The following LAMA2 variants were observed in gnomAD, a reference collection of about 807,000 sequenced individuals.
LAMA2 encodes the protein laminin subunit alpha 2, also known as laminin subunit alpha-2.
A neutral mutation model predicts 364.8 loss-of-function variants in LAMA2; 269 were observed. The ratio of observed to expected loss-of-function variants is 0.74; its 90% CI spans 0.67 to 0.82. The LOEUF is 0.82. Ranked by LOEUF, LAMA2 falls within the 40% of genes least tolerant of loss-of-function variation. The pLI is 0.00. For synonymous variants in LAMA2, 1,379 were observed against 1,370.6 expected (o/e 1.01, Z -0.14); for missense variants, 3,807 against 3,873.2 (o/e 0.98, Z 0.45).
intron 18 of LAMA2, among the ~76,000 whole-genome samples, chr6:129,284,748 C>T (rs961023492): frequency 6.6e-6 from 1 of 152,090 alleles, no homozygotes; most frequent in Non-Finnish European, 1.5e-5. Flanking sequence ...TTTTCTACCT[C>T]TCCCTCTCTC....
chr6:129,241,542 C>T (rs574875586), intron 12 of LAMA2, among the ~76,000 whole-genome samples: 5 of 152,152 alleles, frequency 3.3e-5, no homozygotes, highest in African/African-American at 9.6e-5. Context: ...AGGTGTGATT[C>T]GTCTCATTTT....
At chr6:129,503,490 A>G (rs970791955) in intron 60 of LAMA2, among the ~76,000 whole-genome samples, 6 of 152,208 alleles carry the variant, frequency 3.9e-5, no homozygotes, top group Non-Finnish European at 8.8e-5. Context: ...ATGCCTCATC[A>G]TGGTTCCATC....
chr6:129,200,274 G>GTGTA (rs1554241489), intron 12 of LAMA2, among the ~76,000 whole-genome samples: 1 of 86,192 alleles, frequency 1.2e-5, no homozygotes, highest in African/African-American at 5.4e-5. Flanking sequence ...ATATACATGT[G>GTGTA]TATATATATA....
intron 18 of LAMA2, among the ~76,000 whole-genome samples, chr6:129,284,068 T>C (rs1478634445): frequency 6.6e-6 from 1 of 152,182 alleles, no homozygotes; most frequent in African/African-American, 2.4e-5. Context: ...GTCTGTTTAC[T>C]TTTTCTGCAT....
At chr6:128,907,079 A>C (rs1777531824) in intron 1 of LAMA2, among the ~76,000 whole-genome samples, 1 of 146,920 alleles carries the variant, frequency 6.8e-6, no homozygotes, top group African/African-American at 2.5e-5. Context: ...TGATGCCTCC[A>C]GCTTTGTTCT....
At chr6:129,468,556 C>T (rs186041868) in intron 51 of LAMA2, among the ~76,000 whole-genome samples, 27 of 151,884 alleles carry the variant, frequency 1.8e-4, no homozygotes, top group Admixed American at 7.2e-4. Context: ...ACAAATAATT[C>T]ACAAAAGAAA....
chr6:129,151,371 T>TA (rs1562279449), intron 7 of LAMA2, among the ~76,000 whole-genome samples: 1 of 152,200 alleles, frequency 6.6e-6, no homozygotes, highest in African/African-American at 2.4e-5. Flanking sequence ...TTTTTTGAAA[T>TA]ACACTATTAC....
At chr6:129,365,983 G>A (rs954690778) in intron 32 of LAMA2, among the ~76,000 whole-genome samples, 3 of 152,108 alleles carry the variant, frequency 2.0e-5, no homozygotes, top group African/African-American at 7.2e-5. Flanking sequence ...TGGTCCCTCA[G>A]TTTATATTAT....
chr6:129,504,327 G>A (rs557612818), intron 60 of LAMA2, among the ~76,000 whole-genome samples: 2 of 152,288 alleles, frequency 1.3e-5, no homozygotes, highest in South Asian at 4.1e-4. Context: ...AAGACATATT[G>A]TTGAACCACA....
At chr6:128,955,816 A>G (rs902971113) in intron 1 of LAMA2, among the ~76,000 whole-genome samples, 3 of 152,014 alleles carry the variant, frequency 2.0e-5, no homozygotes, top group Non-Finnish European at 4.4e-5. Flanking sequence ...TGAGCTATTA[A>G]TCATTGTAAA....
At chr6:128,944,426 T>C (rs1780367288) in intron 1 of LAMA2, among the ~76,000 whole-genome samples, 1 of 152,140 alleles carries the variant, frequency 6.6e-6, no homozygotes, top group Non-Finnish European at 1.5e-5. Flanking sequence ...CAGAGGGATA[T>C]AGAAAAACAA....
chr6:128,909,983 G>A (rs991761049), intron 1 of LAMA2, among the ~76,000 whole-genome samples: 1 of 151,868 alleles, frequency 6.6e-6, no homozygotes. Flanking sequence ...CTTCTGGCTT[G>A]TAGGGTTTCT....
intron 60 of LAMA2, 141 bp from the exon 61 acceptor site, chr6:129,505,059 A>G (rs1184538496): frequency 2.7e-6 from 2 of 734,654 alleles, no homozygotes; most frequent in African/African-American, 1.7e-5. Flanking sequence ...TTTCCCATAT[A>G]TAATGGGCTT....
intron 10 of LAMA2, 88 bp downstream of exon 10, chr6:129,177,954 A>G: frequency 7.7e-7 from 1 of 1,300,466 alleles, no homozygotes; most frequent in Non-Finnish European, 1.1e-6. Context: ...GCATTAAGCA[A>G]TTTTAATGAC....
intron 61 of LAMA2, 43 bp from the exon 62 acceptor site, chr6:129,507,446 C>G: frequency 6.2e-7 from 1 of 1,607,602 alleles, no homozygotes; most frequent in Non-Finnish European, 8.5e-7. Context: ...AGGCAAAGTT[C>G]TGCTAAAACC....
chr6:129,224,575 A>G (rs1784116255), intron 12 of LAMA2, among the ~76,000 whole-genome samples: 2 of 152,176 alleles, frequency 1.3e-5, no homozygotes, highest in African/African-American at 4.8e-5. Flanking sequence ...AATTTTGTCA[A>G]AGGCCTTTTC....
At chr6:129,501,183 A>G (rs1191944774) in intron 58 of LAMA2, among the ~76,000 whole-genome samples, 1 of 152,204 alleles carries the variant, frequency 6.6e-6, no homozygotes, top group African/African-American at 2.4e-5. Context: ...TAATAGAAGT[A>G]TTCATGACTG....
intron 22 of LAMA2, among the ~76,000 whole-genome samples, chr6:129,311,440 A>G (rs969480024): frequency 6.6e-6 from 1 of 152,162 alleles, no homozygotes; most frequent in Non-Finnish European, 1.5e-5. Flanking sequence ...ACCAGAACTC[A>G]GCTTGGAAGT....
At chr6:129,422,158 T>C (rs574325793) in intron 40 of LAMA2, among the ~76,000 whole-genome samples, 1 of 152,208 alleles carries the variant, frequency 6.6e-6, no homozygotes, top group East Asian at 1.9e-4. Context: ...CCTGCCTGCC[T>C]CCCTGCCTTT....
Sources: gnomAD v4.1 joint callset for allele counts (sites outside exome capture counted in the v4.1 genomes callset) on GRCh38, gnomAD v4.1.1 for gene constraint, MANE v1.5 for transcripts, NCBI Gene and HGNC (gene_info 2026-07-23, HGNC 2026-07-21) for gene names.